SPCS2: variants seen among roughly 807,000 people sequenced by gnomAD.
The protein encoded by SPCS2 is SPase 25 kDa subunit.
Under a neutral mutation model 22.3 loss-of-function variants are expected in SPCS2, and 3 were observed. The observed-to-expected ratio is 0.13, with a 90% CI of 0.06 to 0.35. SPCS2 has a LOEUF of 0.35. SPCS2 is among the 10% of genes least tolerant of loss of function. The pLI is 1.00. For synonymous variants in SPCS2, 67 were observed against 97.2 expected (o/e 0.69, Z 1.83); for missense variants, 169 against 280.9 (o/e 0.60, Z 2.85).
chr11:74,976,053 G>A (rs909310544), intron 4 of SPCS2, among the ~76,000 whole-genome samples: 4 of 152,116 alleles, frequency 2.6e-5, no homozygotes, highest in African/African-American at 9.7e-5. Flanking sequence ...CCCTGGCCTG[G>A]GATCAGAGTA....
At chr11:74,962,553 A>C (rs1350177075) in intron 1 of SPCS2, among the ~76,000 whole-genome samples, 1 of 152,182 alleles carries the variant, frequency 6.6e-6, no homozygotes, top group Non-Finnish European at 1.5e-5. Flanking sequence ...TGAGGCAAAA[A>C]AAAAAAAAAG....
intron 3 of SPCS2, among the ~76,000 whole-genome samples, chr11:74,967,011 G>C (rs1948550509): frequency 6.6e-6 from 1 of 152,168 alleles, no homozygotes; most frequent in African/African-American, 2.4e-5. Context: ...CCAAAGTGCT[G>C]GGATTACAGG....
chr11:74,959,924 T>C (rs187968941), intron 1 of SPCS2, among the ~76,000 whole-genome samples: 2 of 152,382 alleles, frequency 1.3e-5, no homozygotes, highest in Admixed American at 1.3e-4. Context: ...TTTTTTATTA[T>C]TCAAATGTGC....
intron 1 of SPCS2, among the ~76,000 whole-genome samples, chr11:74,956,012 A>G (rs1010389362): frequency 2.0e-5 from 3 of 150,316 alleles, no homozygotes; most frequent in African/African-American, 4.9e-5. Flanking sequence ...TGACTTATTG[A>G]TCACTTCTTT....
intron 1 of SPCS2, among the ~76,000 whole-genome samples, chr11:74,957,800 G>A (rs974156051): frequency 1.3e-5 from 2 of 151,978 alleles, no homozygotes; most frequent in African/African-American, 4.8e-5. Flanking sequence ...CTGATTTCTT[G>A]TCTACCCATT....
At chr11:74,960,538 T>C (rs1948507145) in intron 1 of SPCS2, among the ~76,000 whole-genome samples, 1 of 151,748 alleles carries the variant, frequency 6.6e-6, no homozygotes, top group Non-Finnish European at 1.5e-5. Context: ...ATGTTATTAC[T>C]AGAGCTTGTT....
chr11:74,964,830 TTTTG>T (rs1279709670), intron 1 of SPCS2, among the ~76,000 whole-genome samples, 200 bp from the exon 2 acceptor site: 2 of 152,172 alleles, frequency 1.3e-5, no homozygotes, highest in African/African-American at 2.4e-5. Context: ...GTTTGGTCTT[TTTTG>T]TTTGTTTTTA....
At chr11:74,951,342 G>A (rs1591733634) in intron 1 of SPCS2, among the ~76,000 whole-genome samples, 1 of 152,138 alleles carries the variant, frequency 6.6e-6, no homozygotes. Context: ...GATGTGTGAT[G>A]GTGGAGGAGT....
intron 1 of SPCS2, among the ~76,000 whole-genome samples, chr11:74,963,901 C>CA (rs1365012349): frequency 6.6e-6 from 1 of 152,128 alleles, no homozygotes; most frequent in Non-Finnish European, 1.5e-5. Flanking sequence ...TAATGGTCTA[C>CA]AAAAAACAGG....
intron 1 of SPCS2, among the ~76,000 whole-genome samples, chr11:74,955,067 A>T (rs1591735110): frequency 6.6e-6 from 1 of 152,124 alleles, no homozygotes; most frequent in Admixed American, 6.6e-5. Context: ...GGGAAAAAAA[A>T]GGAAAATAAC....
chr11:74,967,529 C>T (rs12098929), intron 3 of SPCS2, among the ~76,000 whole-genome samples: 6,255 of 152,248 alleles, frequency 0.041, 136 homozygotes, highest in African/African-American at 0.057. Flanking sequence ...GCGGGCGAAT[C>T]ACTTGAGCCC....
chr11:74,964,967 A>G lies in SPCS2; in HGVS notation c.115-67A>G, dbSNP rs1196819556. On this transcript the variant is annotated intron_variant, in intron 1 of 4. Transcript: ENST00000263672. ...TGTGCATGAGGGATGCTCTTAAAAA[A>G]TGGTTCATTTTACTTTCAGTAAGAG... is the stretch of plus-strand genomic sequence containing the variant. 4.8e-6 allele frequency: 5 copies of G among 1,042,816 alleles called. No individual in the cohort carries two copies. In the East Asian group the frequency reaches 7.8e-5, roughly 16 times the overall value. 64.6% of individuals were successfully genotyped at this position (1,042,816 alleles called of 1,614,324 possible).
chr11:74,974,554 A>G (rs1948604845), intron 4 of SPCS2, among the ~76,000 whole-genome samples: 3 of 152,148 alleles, frequency 2.0e-5, no homozygotes, highest in Admixed American at 2.0e-4. Context: ...GTATTGTCCA[A>G]CCATTTACCA....
At chr11:74,953,887 C>G (rs1948461046) in intron 1 of SPCS2, among the ~76,000 whole-genome samples, 1 of 152,202 alleles carries the variant, frequency 6.6e-6, no homozygotes, top group African/African-American at 2.4e-5. Context: ...TTTCCAGAAG[C>G]TATTATCTAG....
chr11:74,958,021 G>C (rs1488307656), intron 1 of SPCS2, among the ~76,000 whole-genome samples: 1 of 152,172 alleles, frequency 6.6e-6, no homozygotes, highest in Non-Finnish European at 1.5e-5. Flanking sequence ...ACACTTACTG[G>C]GTTCAGTGGT....
intron 4 of SPCS2, among the ~76,000 whole-genome samples, chr11:74,974,239 G>C (rs1430347192): frequency 6.6e-6 from 1 of 152,020 alleles, no homozygotes; most frequent in Non-Finnish European, 1.5e-5. Flanking sequence ...TGCCACCAGG[G>C]CTTGTTCTGG....
intron 4 of SPCS2, among the ~76,000 whole-genome samples, chr11:74,971,192 C>T (rs1282012857): frequency 6.6e-6 from 1 of 152,256 alleles, no homozygotes; most frequent in East Asian, 1.9e-4. Flanking sequence ...CATGTTGTAG[C>T]ATGTATCAGT....
At chr11:74,963,749 C>A in intron 1 of SPCS2, 1 of 207,108 alleles carries the variant, frequency 4.8e-6, no homozygotes, top group Non-Finnish European at 1.0e-5. Context: ...GTGCTCAATC[C>A]GAAAGATAAA....
At chr11:74,956,423 T>A (rs1476683068) in intron 1 of SPCS2, among the ~76,000 whole-genome samples, 1 of 152,230 alleles carries the variant, frequency 6.6e-6, no homozygotes, top group Non-Finnish European at 1.5e-5. Flanking sequence ...TCTCTCCCAG[T>A]CTTCTTCATT....
Sources: allele counts gnomAD v4.1 joint callset (sites outside exome capture counted in the v4.1 genomes callset), GRCh38; gene constraint gnomAD v4.1.1; transcripts MANE v1.5; gene names NCBI Gene and HGNC (gene_info 2026-07-23, HGNC 2026-07-21).